Variants in IL1RAPL1 observed in about 807,000 individuals in gnomAD.
IL1RAPL1 encodes the protein interleukin-1 receptor accessory protein-like 1.
Under a neutral mutation model 48.4 loss-of-function variants are expected in IL1RAPL1, and 3 were observed. The observed-to-expected ratio is 0.06, with a 90% CI of 0.03 to 0.16. The LOEUF is 0.16. Among genes scored for constraint, IL1RAPL1 ranks in the 10% least tolerant of loss-of-function variants. The probability of loss-of-function intolerance (pLI) is 1.00; values close to 1 mark genes in which losing one functional copy is unlikely to be tolerated. For missense variants in IL1RAPL1, 349 were observed against 530.6 expected, an observed-to-expected ratio of 0.66 and a Z score of 3.36; for synonymous variants, 185 against 187.7, an observed-to-expected ratio of 0.99 and a Z score of 0.12.
At chrX:29,745,431 GTTTTT>G (rs752527354) in intron 6 of IL1RAPL1, among the ~76,000 whole-genome samples, 3 of 24,740 alleles carry the variant, frequency 1.2e-4, no homozygotes, top group African/African-American at 5.4e-4. Flanking sequence ...AGTTTTTTGT[GTTTTT>G]TTTTTTTTTT....
chrX:29,947,950 C>T (rs1290829078), intron 9 of IL1RAPL1, among the ~76,000 whole-genome samples: 1 of 110,667 alleles, frequency 9.0e-6, no homozygotes, highest in Non-Finnish European at 1.9e-5. Flanking sequence ...AAATCTTGTG[C>T]TCCCTTTGCT....
At chrX:29,210,086 G>C (rs1930741992) in intron 2 of IL1RAPL1, among the ~76,000 whole-genome samples, 2 of 112,016 alleles carry the variant, frequency 1.8e-5, no homozygotes, top group Admixed American at 1.9e-4. Context: ...AGGTATAACT[G>C]TTGTTTAATT....
chrX:28,897,685 C>G (rs1266565385), intron 2 of IL1RAPL1, among the ~76,000 whole-genome samples: 1 of 111,968 alleles, frequency 8.9e-6, no homozygotes, highest in Middle Eastern at 4.6e-3. Context: ...GAGTTCCCCC[C>G]TCCCCGATCT....
chrX:29,639,608 T>C (rs763850123), intron 5 of IL1RAPL1, among the ~76,000 whole-genome samples: 53 of 107,863 alleles, frequency 4.9e-4, no homozygotes, highest in Admixed American at 8.1e-4. Context: ...TTGATGATTC[T>C]GTAGTTAAGA....
At chrX:29,852,226 C>T (rs1197217040) in intron 6 of IL1RAPL1, among the ~76,000 whole-genome samples, 3 of 112,255 alleles carry the variant, frequency 2.7e-5, no homozygotes, top group African/African-American at 6.5e-5. Context: ...GTAAGATAAC[C>T]GGCATCAATC....
intron 3 of IL1RAPL1, among the ~76,000 whole-genome samples, chrX:29,374,783 T>G (rs1315046248): frequency 9.1e-6 from 1 of 109,752 alleles, no homozygotes; most frequent in African/African-American, 3.3e-5. Flanking sequence ...GAAGAAGAAA[T>G]ATAAGTTAGA....
intron 4 of IL1RAPL1, among the ~76,000 whole-genome samples, chrX:29,398,806 C>T (rs1336884261): frequency 5.4e-5 from 6 of 111,577 alleles, no homozygotes; most frequent in Admixed American, 9.5e-5. Context: ...AATGATGTCA[C>T]GGATAGTCTT....
intron 2 of IL1RAPL1, among the ~76,000 whole-genome samples, chrX:28,853,032 A>G (rs761835729): frequency 1.8e-5 from 2 of 111,448 alleles, no homozygotes; most frequent in Non-Finnish European, 3.8e-5. Flanking sequence ...GGCACATAGG[A>G]AGTGCTCAAT....
intron 6 of IL1RAPL1, among the ~76,000 whole-genome samples, chrX:29,723,393 C>T (rs1214014124): frequency 1.8e-5 from 2 of 111,451 alleles, no homozygotes; most frequent in East Asian, 2.8e-4. Context: ...GGATTACAGG[C>T]ACTCGCCACC....
At chrX:29,192,579 A>G (rs1173969088) in intron 2 of IL1RAPL1, among the ~76,000 whole-genome samples, 1 of 112,192 alleles carries the variant, frequency 8.9e-6, no homozygotes, top group Non-Finnish European at 1.9e-5. Context: ...TCAACATTGA[A>G]TGCCATTTTA....
At chrX:29,046,966 T>C (rs1821214460) in intron 2 of IL1RAPL1, among the ~76,000 whole-genome samples, 1 of 111,939 alleles carries the variant, frequency 8.9e-6, no homozygotes, top group African/African-American at 3.2e-5. Context: ...AGTTAAGATA[T>C]ACCAAAGGAT....
intron 2 of IL1RAPL1, among the ~76,000 whole-genome samples, chrX:29,115,576 C>A (rs1025939765): frequency 7.5e-5 from 8 of 107,325 alleles, no homozygotes; most frequent in African/African-American, 2.4e-4. Flanking sequence ...CCTGGCATAT[C>A]TTTAGCTCGT....
chrX:29,649,514 T>C (rs1044690993), intron 5 of IL1RAPL1, among the ~76,000 whole-genome samples: 1 of 112,018 alleles, frequency 8.9e-6, no homozygotes, highest in African/African-American at 3.2e-5. Context: ...ATTTCAATAG[T>C]TGCAGAAAAA....
chrX:29,383,431 C>A (rs1001361802), intron 3 of IL1RAPL1, among the ~76,000 whole-genome samples: 1 of 112,050 alleles, frequency 8.9e-6, no homozygotes, highest in African/African-American at 3.2e-5. Context: ...CACTTTTAAT[C>A]ATACCTCTAA....
chrX:28,653,772 A>G (rs1213748355), intron 1 of IL1RAPL1, among the ~76,000 whole-genome samples: 1 of 111,510 alleles, frequency 9.0e-6, no homozygotes, highest in Non-Finnish European at 1.9e-5. Context: ...TTTTAGTGTC[A>G]TGAGGGCTCT....
chrX:29,381,522 A>C (rs1211879958), intron 3 of IL1RAPL1, among the ~76,000 whole-genome samples: 5 of 95,760 alleles, frequency 5.2e-5, no homozygotes, highest in Non-Finnish European at 1.0e-4. Flanking sequence ...AAAAAAAAAA[A>C]AAAAAAACTT....
At chrX:29,470,646 A>G (rs1443506858) in intron 5 of IL1RAPL1, among the ~76,000 whole-genome samples, 1 of 111,200 alleles carries the variant, frequency 9.0e-6, no homozygotes, top group Non-Finnish European at 1.9e-5. Context: ...TATTTAATTT[A>G]TTTTAGAGAT....
At chrX:28,833,012 G>A (rs905900602) in intron 2 of IL1RAPL1, among the ~76,000 whole-genome samples, 1 of 109,482 alleles carries the variant, frequency 9.1e-6, no homozygotes, top group Non-Finnish European at 1.9e-5. Flanking sequence ...CCATCTTTAT[G>A]TTCATGAGTA....
chrX:28,817,636 A>C (rs1325295755), intron 2 of IL1RAPL1, among the ~76,000 whole-genome samples: 1 of 111,359 alleles, frequency 9.0e-6, no homozygotes, highest in African/African-American at 3.3e-5. Flanking sequence ...AGAATACCCA[A>C]GCTGGATAAG....
Sources: gnomAD v4.1 joint callset for allele counts (sites outside exome capture counted in the v4.1 genomes callset) on GRCh38, gnomAD v4.1.1 for gene constraint, MANE v1.5 for transcripts, NCBI Gene and HGNC (gene_info 2026-07-23, HGNC 2026-07-21) for gene names.